TMCO4: variants seen among roughly 807,000 people sequenced by gnomAD.
The protein encoded by TMCO4 is transmembrane and coiled-coil domain-containing protein 4.
Under a neutral mutation model 64.7 loss-of-function variants are expected in TMCO4, and 58 were observed. The ratio of observed to expected loss-of-function variants is 0.90; its 90% CI spans 0.73 to 1.12. The LOEUF (loss-of-function observed/expected upper bound fraction) is 1.12, where lower values mean the gene tolerates loss of function less well. Among genes scored for constraint, TMCO4 ranks in the 50% most tolerant of loss-of-function variants. TMCO4 has a pLI of 0.00. For synonymous variants in TMCO4, 325 were observed against 346.1 expected (o/e 0.94, Z 0.68); for missense variants, 780 against 825.9 (o/e 0.94, Z 0.68).
At position 19,716,530 on chromosome 1, in the gene TMCO4, A is replaced by C. The variant is rs574271732; in HGVS notation, c.1265-15645T>G. ...CAGGCGTGAGCCACCACTCTTGGCC[A>C]ATTTTTTTGTTTTGTTTTGTTTTTT... On this transcript the variant is annotated intron_variant, in intron 13 of 15. Coordinates refer to ENST00000294543, the MANE Select transcript of TMCO4 (RefSeq NM_181719.7). Among the ~76,000 whole-genome samples, 72 of 151,312 alleles carry C rather than the reference A, an allele frequency of 4.8e-4. 2 individuals carry two copies. The South Asian group carries it at 0.015, about 31-fold the overall frequency.
intron 13 of TMCO4, among the ~76,000 whole-genome samples, chr1:19,735,358 C>T (rs755981665): frequency 4.6e-5 from 7 of 152,136 alleles, no homozygotes; most frequent in Non-Finnish European, 1.0e-4. Flanking sequence ...GCCCAAGGTC[C>T]GACAGCCAGT....
At chr1:19,710,581 C>G (rs1216625420) in intron 13 of TMCO4, among the ~76,000 whole-genome samples, 1 of 152,172 alleles carries the variant, frequency 6.6e-6, no homozygotes, top group East Asian at 1.9e-4. Flanking sequence ...AGCCTAGCCT[C>G]CGACACGCCA....
intron 3 of TMCO4, among the ~76,000 whole-genome samples, chr1:19,786,561 C>T (rs992028358): frequency 6.6e-6 from 1 of 152,060 alleles, no homozygotes; most frequent in Non-Finnish European, 1.5e-5. Context: ...AATGGGTGGG[C>T]GTGAAGAAAT....
intron 13 of TMCO4, among the ~76,000 whole-genome samples, chr1:19,730,295 T>C (rs2095425099): frequency 6.6e-6 from 1 of 152,244 alleles, no homozygotes; most frequent in South Asian, 2.1e-4. Context: ...TCCCTCGACC[T>C]GGGCATCTAC....
intron 11 of TMCO4, among the ~76,000 whole-genome samples, chr1:19,740,169 C>A (rs576952783): frequency 6.6e-6 from 1 of 152,186 alleles, no homozygotes; most frequent in Non-Finnish European, 1.5e-5. Context: ...GCCCTTGTCA[C>A]GTGTGAGATG....
At chr1:19,799,069 T>G (rs888724415) in intron 1 of TMCO4, 1 of 152,382 alleles carries the variant, frequency 6.6e-6, no homozygotes, top group African/African-American at 2.4e-5. Flanking sequence ...AAAGGCATTG[T>G]GGAGGCCAAC....
intron 15 of TMCO4, among the ~76,000 whole-genome samples, chr1:19,684,862 C>A (rs902161632): frequency 6.6e-6 from 1 of 152,106 alleles, no homozygotes; most frequent in Non-Finnish European, 1.5e-5. Flanking sequence ...GGAATTCAGA[C>A]GAGATGGCCA....
chr1:19,722,351 G>A (rs1464895740), intron 13 of TMCO4, among the ~76,000 whole-genome samples: 1 of 152,192 alleles, frequency 6.6e-6, no homozygotes, highest in Non-Finnish European at 1.5e-5. Context: ...AGGAGTCAAT[G>A]CTCTCAAGGC....
intron 7 of TMCO4, among the ~76,000 whole-genome samples, chr1:19,752,019 G>C (rs1315071186): frequency 6.6e-6 from 1 of 151,866 alleles, no homozygotes; most frequent in Non-Finnish European, 1.5e-5. Context: ...CTGCACTCCA[G>C]CCTGGGTGAC....
chr1:19,733,059 A>G (rs2100801190), intron 13 of TMCO4, among the ~76,000 whole-genome samples: 1 of 152,124 alleles, frequency 6.6e-6, no homozygotes, highest in South Asian at 2.1e-4. Flanking sequence ...TGAGGTCGGG[A>G]GTTTGGGACC....
intron 13 of TMCO4, among the ~76,000 whole-genome samples, chr1:19,717,617 G>A (rs1172070717): frequency 1.5e-4 from 23 of 152,288 alleles, no homozygotes; most frequent in Middle Eastern, 3.4e-3. Flanking sequence ...CCCAGCACAT[G>A]CACCTTCCTG....
chr1:19,782,937 G>A (rs898608998), intron 3 of TMCO4, among the ~76,000 whole-genome samples: 9 of 152,186 alleles, frequency 5.9e-5, no homozygotes, highest in African/African-American at 2.2e-4. Flanking sequence ...CTACCTAGAA[G>A]AGCTGTGTCA....
At chr1:19,718,747 G>A (rs893799952) in intron 13 of TMCO4, among the ~76,000 whole-genome samples, 2 of 151,452 alleles carry the variant, frequency 1.3e-5, no homozygotes, top group Non-Finnish European at 2.9e-5. Context: ...AGAACGAGAC[G>A]GACTCTGTTC....
intron 6 of TMCO4, among the ~76,000 whole-genome samples, chr1:19,763,364 C>T (rs1476631347): frequency 6.6e-6 from 1 of 152,202 alleles, no homozygotes; most frequent in Admixed American, 6.5e-5. Context: ...AGGCGTGAGC[C>T]ACCACGCCGG....
At chr1:19,736,617 AGCCCCT>A (rs756128290) in intron 13 of TMCO4, among the ~76,000 whole-genome samples, 2 of 152,144 alleles carry the variant, frequency 1.3e-5, no homozygotes, top group Non-Finnish European at 2.9e-5. Flanking sequence ...CTCCACAGGC[AGCCCCT>A]GCTGACAGAT....
chr1:19,744,338 G>A (rs2041666773), intron 10 of TMCO4, among the ~76,000 whole-genome samples: 1 of 152,150 alleles, frequency 6.6e-6, no homozygotes, highest in South Asian at 2.1e-4. Flanking sequence ...ACAGCAAAGG[G>A]AACTAATGTT....
intron 6 of TMCO4, among the ~76,000 whole-genome samples, chr1:19,757,159 C>CCG: frequency 7.4e-6 from 1 of 135,522 alleles, no homozygotes; most frequent in South Asian, 2.4e-4. Flanking sequence ...GGCGTGGTGG[C>CCG]GGGGGGGGGC....
At chr1:19,741,891 C>A (rs1172145108) in intron 10 of TMCO4, among the ~76,000 whole-genome samples, 1 of 151,934 alleles carries the variant, frequency 6.6e-6, no homozygotes, top group African/African-American at 2.4e-5. Flanking sequence ...CACCCACCAC[C>A]AAACCTGGCT....
intron 13 of TMCO4, among the ~76,000 whole-genome samples, chr1:19,733,775 G>A (rs983568656): frequency 1.3e-5 from 2 of 152,172 alleles, no homozygotes; most frequent in African/African-American, 4.8e-5. Context: ...GATGTTCAAG[G>A]AAGAATGGAG....
Sources: gnomAD v4.1 joint callset for allele counts (sites outside exome capture counted in the v4.1 genomes callset) on GRCh38, gnomAD v4.1.1 for gene constraint, MANE v1.5 for transcripts, NCBI Gene and HGNC (gene_info 2026-07-23, HGNC 2026-07-21) for gene names.